The following CTIF variants were observed in gnomAD, a reference collection of about 807,000 sequenced individuals.
The protein encoded by CTIF is cap binding complex dependent translation initiation factor, also known as CBP80/20-dependent translation initiation factor.
CTIF carries 21 observed loss-of-function variants against 66.0 expected under a neutral mutation model. The ratio of observed to expected loss-of-function variants is 0.32; its 90% CI spans 0.23 to 0.46. CTIF has a LOEUF of 0.46. Ranked by LOEUF, CTIF falls within the 20% of genes least tolerant of loss-of-function variation. The pLI is 1.00. For missense variants in CTIF, 739 were observed against 812.7 expected, an observed-to-expected ratio of 0.91 and a Z score of 1.10; for synonymous variants, 345 against 326.4, an observed-to-expected ratio of 1.06 and a Z score of -0.62.
rs747775758 is a variant in CTIF at position 48,859,412 on chromosome 18, A to G, written c.1650A>G (p.Ala550=). ...TGATGACAGAGCTCCTGGCCAGCGC[A>G]CGGGACAAGATGCTGTGCCCCTCGG... ...PEMMTELLAS[A]RDKMLCPSES... The change falls in exon 12 of 12, where the codon GCA becomes GCG. Residue 550 remains alanine, a synonymous_variant. Transcript: ENST00000256413. The G allele has an allele frequency of 1.1e-5, 17 of 1,614,010 alleles. No individual in the cohort carries two copies. Among genetic ancestry groups the G allele is most frequent in the Non-Finnish European group, 1.4e-5 (16 of 1,180,040 alleles).
At chr18:48,550,225 G>C (rs1299539489) in intron 1 of CTIF, among the ~76,000 whole-genome samples, 1 of 152,196 alleles carries the variant, frequency 6.6e-6, no homozygotes, top group Non-Finnish European at 1.5e-5. Flanking sequence ...ACCCCAGTAG[G>C]CAGAATTGTC....
intron 7 of CTIF, among the ~76,000 whole-genome samples, chr18:48,724,475 G>A (rs1253092899): frequency 6.6e-6 from 1 of 152,138 alleles, no homozygotes; most frequent in Non-Finnish European, 1.5e-5. Context: ...ACACTGACCA[G>A]CCCCTGTACC....
intron 4 of CTIF, 148 bp from the exon 5 acceptor site, chr18:48,664,299 G>T (rs1568115938): frequency 2.9e-6 from 2 of 683,864 alleles, no homozygotes; most frequent in East Asian, 2.6e-5. Flanking sequence ...GGCACCTGGG[G>T]CTCCATTCTG....
chr18:48,768,606 G>C (rs1364041581), intron 9 of CTIF, among the ~76,000 whole-genome samples: 1 of 152,172 alleles, frequency 6.6e-6, no homozygotes, highest in Non-Finnish European at 1.5e-5. Flanking sequence ...AAAAACTTGG[G>C]AAAATCAAGA....
At chr18:48,827,929 C>T (rs551142381) in intron 10 of CTIF, among the ~76,000 whole-genome samples, 11 of 152,204 alleles carry the variant, frequency 7.2e-5, no homozygotes, top group Admixed American at 2.0e-4. Context: ...CATAAACACA[C>T]GGAAGCGGCC....
intron 10 of CTIF, among the ~76,000 whole-genome samples, chr18:48,824,108 G>A (rs189846170): frequency 6.6e-6 from 1 of 151,872 alleles, no homozygotes; most frequent in East Asian, 1.9e-4. Flanking sequence ...ATCTGAAGAG[G>A]AAATTAGGAA....
chr18:48,592,850 A>C (rs2089915935), intron 1 of CTIF, among the ~76,000 whole-genome samples: 1 of 152,180 alleles, frequency 6.6e-6, no homozygotes, highest in African/African-American at 2.4e-5. Context: ...CTTGGGCCCC[A>C]GGGAAAGAGG....
rs34009562 is a variant in CTIF at position 48,546,151 on chromosome 18, A to G, written c.-29+6839A>G. On this transcript the variant is annotated intron_variant, in intron 1 of 11. Transcript: ENST00000256413. The stretch of plus-strand genomic sequence containing the variant: ...ACATATGAAGCCACTAAAAAGCTGT[A>G]ACAACCCCAGGGAAGAGTGGAATGC... Among the ~76,000 whole-genome samples, 817 of 152,318 alleles carry G rather than the reference A, an allele frequency of 5.4e-3. 3 individuals carry two copies. Among genetic ancestry groups the G allele is most frequent in the Non-Finnish European group, 9.1e-3 (616 of 68,034 alleles).
intron 1 of CTIF, among the ~76,000 whole-genome samples, chr18:48,582,116 G>A (rs1345159745): frequency 6.6e-6 from 1 of 152,148 alleles, no homozygotes; most frequent in East Asian, 1.9e-4. Flanking sequence ...GGGGTGTGGG[G>A]GCTGGGTACC....
chr18:48,695,875 C>T (rs577776576), intron 6 of CTIF, among the ~76,000 whole-genome samples: 31 of 152,178 alleles, frequency 2.0e-4, no homozygotes, highest in Non-Finnish European at 4.1e-4. Context: ...GGAAAGAGTT[C>T]GCAGGGAACT....
chr18:48,807,687 C>T lies in CTIF; in HGVS notation c.1372-9534C>T, dbSNP rs1219129858. ...CTTCCACCTCCAGGTGCAAGTGATT[C>T]TCCTACCTCAGCCTCCTGAGTAGCT... is the stretch of plus-strand genomic sequence containing the variant. On this transcript the variant is annotated intron_variant, in intron 9 of 11. Transcript: ENST00000256413. Among the ~76,000 whole-genome samples the T allele has an allele frequency of 3.3e-5, 5 of 150,112 alleles. No homozygotes were observed. The East Asian group carries it at 8.0e-4, about 24-fold the overall frequency.
intron 9 of CTIF, among the ~76,000 whole-genome samples, chr18:48,776,631 C>T (rs1279575453): frequency 6.6e-6 from 1 of 152,240 alleles, no homozygotes; most frequent in East Asian, 1.9e-4. Context: ...GTCAGGTCTC[C>T]CCAGCCAGGC....
At chr18:48,601,609 C>T (rs1599222088) in intron 1 of CTIF, among the ~76,000 whole-genome samples, 1 of 152,318 alleles carries the variant, frequency 6.6e-6, no homozygotes, top group African/African-American at 2.4e-5. Context: ...CAGCTATAAA[C>T]TAATGGTCTT....
chr18:48,674,065 G>A (rs1368110873), intron 6 of CTIF, among the ~76,000 whole-genome samples: 3 of 152,234 alleles, frequency 2.0e-5, no homozygotes, highest in Non-Finnish European at 2.9e-5. Flanking sequence ...TAAGCCTCAA[G>A]TGCCTCTGCC....
chr18:48,646,901 C>CAAAAAAAAAAAAAAAAAAAAAAAAAAA (rs35904615), intron 3 of CTIF, among the ~76,000 whole-genome samples: 1 of 77,972 alleles, frequency 1.3e-5, no homozygotes, highest in Non-Finnish European at 2.3e-5. Context: ...TTGGCAGTTT[C>CAAAAAAAAAAAAAAAAAAAAAAAAAAA]AAAAAAAAAA....
intron 9 of CTIF, among the ~76,000 whole-genome samples, chr18:48,791,547 T>C (rs986139996): frequency 2.9e-5 from 4 of 140,120 alleles, no homozygotes; most frequent in Admixed American, 2.1e-4. Context: ...AGCCTGGCCC[T>C]GGGGGCTCCC....
At chr18:48,791,770 A>ATC (rs908550546) in intron 9 of CTIF, among the ~76,000 whole-genome samples, 3 of 151,924 alleles carry the variant, frequency 2.0e-5, no homozygotes, top group Non-Finnish European at 2.9e-5. Context: ...TCCCAGATTA[A>ATC]TCTCTCTCTC....
intron 11 of CTIF, among the ~76,000 whole-genome samples, chr18:48,858,169 G>A (rs764663337): frequency 7.2e-5 from 11 of 152,368 alleles, no homozygotes; most frequent in Middle Eastern, 3.4e-3. Context: ...TCTGCAGATG[G>A]TCCAGAGTCA....
chr18:48,783,863 G>C (rs1833617780), intron 9 of CTIF, among the ~76,000 whole-genome samples: 1 of 152,018 alleles, frequency 6.6e-6, no homozygotes, highest in African/African-American at 2.4e-5. Flanking sequence ...AGCCCCAGAG[G>C]CACCCAGTCA....
Sources: gnomAD v4.1 joint callset for allele counts (sites outside exome capture counted in the v4.1 genomes callset) on GRCh38, gnomAD v4.1.1 for gene constraint, MANE v1.5 for transcripts, NCBI Gene and HGNC (gene_info 2026-07-23, HGNC 2026-07-21) for gene names.